Variants in CHD5 observed in about 807,000 individuals in gnomAD.
CHD5 encodes ATP-dependent chromatin remodeler CHD5.
Under a neutral mutation model 230.3 loss-of-function variants are expected in CHD5, and 69 were observed. That is an observed-to-expected ratio of 0.30 (90% CI 0.25 to 0.37). The LOEUF (loss-of-function observed/expected upper bound fraction) is 0.37. Among genes scored for constraint, CHD5 ranks in the 10% least tolerant of loss-of-function variants. The pLI is 1.00. For synonymous variants in CHD5, 1,064 were observed against 1,065.9 expected (o/e 1.00, Z 0.03); for missense variants, 1,827 against 2,622.8 (o/e 0.70, Z 6.63).
intron 31 of CHD5, among the ~76,000 whole-genome samples, chr1:6,122,511 C>T (rs1234759994): frequency 6.6e-6 from 1 of 152,172 alleles, no homozygotes; most frequent in Non-Finnish European, 1.5e-5. Context: ...ACGTGGAGAA[C>T]CTGGGACTCC....
chr1:6,162,748 G>A (rs1230158000), intron 2 of CHD5, among the ~76,000 whole-genome samples: 1 of 152,210 alleles, frequency 6.6e-6, no homozygotes, highest in African/African-American at 2.4e-5. Context: ...GACACACCAA[G>A]CTCACCCCCA....
chr1:6,150,619 G>A (rs1023791170), intron 7 of CHD5, among the ~76,000 whole-genome samples: 1 of 152,176 alleles, frequency 6.6e-6, no homozygotes, highest in African/African-American at 2.4e-5. Context: ...ATAAAAAGAA[G>A]GGACTGAGGG....
At position 6,165,508 on chromosome 1, in the gene CHD5, G is replaced by T. The variant is rs78835110; in HGVS notation, c.207+2642C>A. Among the ~76,000 whole-genome samples the T allele has an allele frequency of 3.4e-3, 518 of 152,290 alleles. 5 individuals carry two copies. Among genetic ancestry groups the T allele is most frequent in the African/African-American group, 0.012 (503 of 41,540 alleles). On this transcript the variant is annotated intron_variant, in intron 2 of 41. Coordinates refer to ENST00000262450, the MANE Select transcript of CHD5 (RefSeq NM_015557.3). ...AGTGGGTGCACAGGTAGGAGTCCCT[G>T]CCATGGACCACGAGGCCTCGGGGTC... is the stretch of plus-strand genomic sequence containing the variant.
At chr1:6,133,426 T>C (rs1330905613) in intron 20 of CHD5, among the ~76,000 whole-genome samples, 1 of 152,194 alleles carries the variant, frequency 6.6e-6, no homozygotes, top group African/African-American at 2.4e-5. Context: ...TTTCAGTTGA[T>C]GTTTGTGCAC....
At chr1:6,157,987 G>C (rs1281651448) in intron 3 of CHD5, among the ~76,000 whole-genome samples, 1 of 152,136 alleles carries the variant, frequency 6.6e-6, no homozygotes, top group Non-Finnish European at 1.5e-5. Context: ...CATGATTTCT[G>C]CCTCACCCAA....
rs1571164634 is a variant in CHD5 at position 6,155,541 on chromosome 1, G to A, written c.506+58C>T. The A allele has an allele frequency of 1.4e-5, 20 of 1,468,656 alleles. No individual in the cohort carries two copies. The highest frequency in any genetic ancestry group is 3.4e-5 in the South Asian group (3 of 87,712). The allele number at this position is 1,468,656 out of a possible 1,614,324, so 91.0% of individuals were successfully genotyped here. On this transcript the variant is annotated intron_variant, in intron 4 of 41. Transcript: ENST00000262450. This position sits in a 1 kb window ranked among gnomAD's most constrained non-coding sequence, Gnocchi z 4.0. ...GGCTTCACTCCTCTGCCTCCCTCCC[G>A]ACTTGGTACCACCAGAGGATGTGCG...
intron 33 of CHD5, among the ~76,000 whole-genome samples, chr1:6,114,430 G>A (rs1420747989): frequency 6.6e-6 from 1 of 151,974 alleles, no homozygotes; most frequent in Admixed American, 6.6e-5. Context: ...CACACTGGAA[G>A]AAGAACCGTC....
chr1:6,151,546 T>C (rs1415932933), intron 6 of CHD5, among the ~76,000 whole-genome samples: 2 of 152,262 alleles, frequency 1.3e-5, no homozygotes, highest in African/African-American at 4.8e-5. Flanking sequence ...AGGTCTGGCC[T>C]GTCCTGTCTG....
At position 6,150,463 on chromosome 1, in the gene CHD5, TGGACGGAC is replaced by T. The variant is rs59020358; in HGVS notation, c.994+561_994+568del. ...ATGGATGGATGGATGGATGGATGGA[TGGACGGAC>T]GGACGGACGGACGGATGGACAAAAG... is the stretch of plus-strand genomic sequence containing the variant. On this transcript the variant is annotated intron_variant, in intron 7 of 41. Transcript: ENST00000262450. 5.2e-3 allele frequency among the ~76,000 whole-genome samples: 742 copies of T among 141,674 alleles called. 8 individuals carry two copies. The highest frequency in any genetic ancestry group is 5.9e-3 in the African/African-American group (213 of 35,940). The allele number at this position is 141,674 out of a possible 152,430, so 92.9% of individuals were successfully genotyped here.
chr1:6,127,930 T>G (rs1282412129), intron 25 of CHD5, 116 bp downstream of exon 25: 2 of 832,862 alleles, frequency 2.4e-6, no homozygotes, highest in East Asian at 2.9e-5. Flanking sequence ...GGTCACAGCT[T>G]GGAGGGCTGG....
chr1:6,170,677 T>C (rs1480192286), intron 1 of CHD5, among the ~76,000 whole-genome samples: 1 of 152,216 alleles, frequency 6.6e-6, no homozygotes, highest in African/African-American at 2.4e-5. Context: ...GGTGGGTTTA[T>C]GTGGGTGAGG....
intron 7 of CHD5, 62 bp downstream of exon 7, chr1:6,150,970 C>G: frequency 3.5e-6 from 5 of 1,444,096 alleles, no homozygotes. Flanking sequence ...GATGGGGAGT[C>G]CTACTCGTGC....
In CHD5 at chr1:6,106,726, G is replaced by A; in HGVS notation, c.5632C>T (p.Leu1878=). Residue 1878 remains leucine (L), a synonymous_variant, in exon 39 of 42, where the codon CTG becomes TTG. Transcript: ENST00000262450. ...LSDMKADVTR[L]PSMLSRIPPV... ...GGGATGCGGGACAGCATGGATGGCA[G>A]CCGGGTCACGTCGGCCTTCATGTCG... The A allele has an allele frequency of 6.2e-7, 1 of 1,612,034 alleles. No individual in the cohort carries two copies. The highest frequency in any genetic ancestry group is 8.5e-7 in the Non-Finnish European group (1 of 1,179,760).
intron 1 of CHD5, among the ~76,000 whole-genome samples, chr1:6,172,329 C>CTTTA (rs141678011): frequency 2.5e-4 from 38 of 152,128 alleles, no homozygotes; most frequent in African/African-American, 3.6e-4. Flanking sequence ...TGGTTTGGGG[C>CTTTA]TTTATTTATT....
In CHD5 at chr1:6,109,926, T is replaced by C; in HGVS notation, c.5447A>G (p.Gln1816Arg). The part of the protein sequence containing the change: ...LRRAAYLNMT[Q>R]DPNHPAMALN... ...GGCCATGGCGGGGTGGTTGGGGTCC[T>C]GCGTCATGTTCAGGTACGCGGCCCT... The change falls in exon 38 of 42, where the codon CAG (glutamine) becomes CGG (arginine). Residue 1816 changes from glutamine (Q) to arginine (R), a missense_variant. By Grantham distance (43) the Gln-to-Arg change is conservative (BLOSUM62 1). Coordinates refer to ENST00000262450, the MANE Select transcript of CHD5 (RefSeq NM_015557.3). 1 of 1,606,736 alleles carries C rather than the reference T, an allele frequency of 6.2e-7. No individual in the cohort carries two copies. Among genetic ancestry groups the C allele is most frequent in the Non-Finnish European group, 8.5e-7 (1 of 1,177,000 alleles).
In CHD5 at chr1:6,106,700, G is replaced by A. The variant is rs774782723; in HGVS notation, c.5658C>T (p.Pro1886=). Residue 1886 remains proline (P), a synonymous_variant, in exon 39 of 42, where the codon CCC becomes CCT. Coordinates refer to ENST00000262450, the MANE Select transcript of CHD5 (RefSeq NM_015557.3). ...ACATCTGCAGCCGGGCGGCCACCGG[G>A]GGGATGCGGGACAGCATGGATGGCA... ...TRLPSMLSRI[P]PVAARLQMSE... The A allele has an allele frequency of 4.3e-6, 7 of 1,611,770 alleles. No individual in the cohort carries two copies. The highest frequency in any genetic ancestry group is 5.1e-6 in the Non-Finnish European group (6 of 1,179,744).
At chr1:6,124,476 G>A (rs1390636244) in intron 30 of CHD5, 41 bp downstream of exon 30, 1 of 1,611,434 alleles carries the variant, frequency 6.2e-7, no homozygotes, top group African/African-American at 1.3e-5. Context: ...AGGAGCCCAG[G>A]CAGCCACCAG....
rs780078526 is a variant in CHD5 at position 6,154,716 on chromosome 1, G to T, written c.689C>A (p.Pro230His). 1.2e-6 allele frequency: 2 copies of T among 1,607,138 alleles called. No homozygotes were observed. The highest frequency in any genetic ancestry group is 1.7e-6 in the Non-Finnish European group (2 of 1,176,334). ...AGGCACAGGCTGGGGCACCTGCGGGGGGCTGACGGCTAGCGGAGGGGAGAT... is the reference window on the plus strand; with the variant it reads ...AGGCACAGGCTGGGGCACCTGCGGGTGGCTGACGGCTAGCGGAGGGGAGAT... Reference protein sequence around the residue: ...VTISPPLAVSPPQVPQPVPIR... With the variant: ...VTISPPLAVSHPQVPQPVPIR... Residue 230 changes from proline to histidine, a missense_variant, in exon 5 of 42, where the codon CCC (proline) becomes CAC (histidine). Pro to His is a moderately conservative substitution (Grantham distance 77). This residue lies in a region of CHD5 where 657 missense variants were observed against 816.4 expected (regional missense o/e 0.80). Coordinates refer to ENST00000262450, the MANE Select transcript of CHD5 (RefSeq NM_015557.3). This position sits in a 1 kb window ranked among gnomAD's most constrained non-coding sequence, Gnocchi z 7.0.
Position 6,146,192 on chromosome 1 carries a change from G to A in CHD5, c.1802+20C>T. 1 of 1,611,722 alleles carries A rather than the reference G, an allele frequency of 6.2e-7. No homozygotes were observed. The highest frequency in any genetic ancestry group is 8.5e-7 in the Non-Finnish European group (1 of 1,178,442). ...GCCCGGCCCCAGCGATGGGCAGGGT[G>A]GCCGCCTGCAGGCACACACCTATGG... On this transcript the variant is annotated intron_variant, in intron 11 of 41. Coordinates refer to ENST00000262450, the MANE Select transcript of CHD5 (RefSeq NM_015557.3). This position sits in a 1 kb window ranked among gnomAD's most constrained non-coding sequence, Gnocchi z 5.1.
Sources: gnomAD v4.1 joint callset for allele counts (sites outside exome capture counted in the v4.1 genomes callset) on GRCh38, gnomAD v4.1.1 for gene constraint, gnomAD v4.1.1 regional missense constraint, Gnocchi (gnomAD v3.1) non-coding constraint, MANE v1.5 for transcripts, NCBI Gene and HGNC (gene_info 2026-07-23, HGNC 2026-07-21) for gene names.